The following PARD3B variants were observed in gnomAD, a reference collection of about 807,000 sequenced individuals.
The protein encoded by PARD3B is par-3 family cell polarity regulator beta.
A neutral mutation model predicts 130.2 loss-of-function variants in PARD3B; 103 were observed. The observed-to-expected ratio is 0.79, with a 90% confidence interval of 0.67 to 0.93. The LOEUF (loss-of-function observed/expected upper bound fraction) is 0.93, where lower values mean the gene tolerates loss of function less well. Among genes scored for constraint, PARD3B ranks in the 40% least tolerant of loss-of-function variants. PARD3B has a pLI of 0.00. For missense variants in PARD3B, 1,609 were observed against 1,499.2 expected (o/e 1.07, Z -1.21); for synonymous variants, 583 against 553.2 (o/e 1.05, Z -0.76).
intron 15 of PARD3B, among the ~76,000 whole-genome samples, chr2:205,237,473 A>G (rs553988076): frequency 1.3e-5 from 2 of 152,224 alleles, no homozygotes; most frequent in African/African-American, 4.8e-5. Context: ...TAAAGCTAGT[A>G]TTTCTGTTCT....
intron 2 of PARD3B, among the ~76,000 whole-genome samples, chr2:204,932,517 T>C (rs1458732322): frequency 6.6e-6 from 1 of 152,154 alleles, no homozygotes; most frequent in African/African-American, 2.4e-5. Context: ...GTATCCTTTC[T>C]CCATATGATT....
chr2:205,095,286 A>T (rs1176636346), intron 4 of PARD3B, among the ~76,000 whole-genome samples: 2 of 152,166 alleles, frequency 1.3e-5, no homozygotes, highest in Non-Finnish European at 1.5e-5. Context: ...ATAAATAGAA[A>T]TTATGATTAT....
At chr2:205,092,355 C>G (rs1424284080) in intron 4 of PARD3B, among the ~76,000 whole-genome samples, 1 of 152,054 alleles carries the variant, frequency 6.6e-6, no homozygotes, top group Non-Finnish European at 1.5e-5. Flanking sequence ...AGAAAATGAT[C>G]ATGTCTCACT....
intron 3 of PARD3B, among the ~76,000 whole-genome samples, chr2:204,965,908 A>G (rs1244014366): frequency 1.3e-5 from 2 of 152,218 alleles, no homozygotes; most frequent in African/African-American, 4.8e-5. Flanking sequence ...AAGAGAAATA[A>G]CATGTCTGTT....
At chr2:205,515,699 A>G (rs2050766911) in intron 21 of PARD3B, among the ~76,000 whole-genome samples, 1 of 151,830 alleles carries the variant, frequency 6.6e-6, no homozygotes, top group Admixed American at 6.6e-5. Flanking sequence ...GATATTAAAC[A>G]TTTGTCAGAT....
chr2:205,456,381 C>T (rs991027496), intron 20 of PARD3B, among the ~76,000 whole-genome samples: 1 of 151,986 alleles, frequency 6.6e-6, no homozygotes, highest in Non-Finnish European at 1.5e-5. Context: ...TATCTGTATG[C>T]TTTTTATTTC....
intron 10 of PARD3B, among the ~76,000 whole-genome samples, chr2:205,133,599 A>G (rs567457875): frequency 5.3e-5 from 8 of 152,336 alleles, no homozygotes; most frequent in Admixed American, 3.3e-4. Context: ...GACTAGCTTC[A>G]GTGATCAAAT....
chr2:205,604,914 C>T (rs62171586), intron 22 of PARD3B, among the ~76,000 whole-genome samples: 7,279 of 152,248 alleles, frequency 0.048, 252 homozygotes, highest in Middle Eastern at 0.075. Context: ...CCTTTTCATT[C>T]TGTTTTCTCT....
At chr2:204,750,948 C>G (rs1443335787) in intron 2 of PARD3B, among the ~76,000 whole-genome samples, 1 of 152,088 alleles carries the variant, frequency 6.6e-6, no homozygotes, top group East Asian at 1.9e-4. Flanking sequence ...GATGAACACT[C>G]AGTACATTGA....
rs757070825 is a variant in PARD3B at position 205,265,586 on chromosome 2, A to G, written c.2185+19764A>G. 2.6e-5 allele frequency among the ~76,000 whole-genome samples: 4 copies of G among 151,948 alleles called. No individual in the cohort carries two copies. The highest frequency in any genetic ancestry group is 9.7e-5 in the African/African-American group (4 of 41,388). On this transcript the variant is annotated intron_variant, in intron 16 of 22. Coordinates refer to ENST00000406610, the MANE Select transcript of PARD3B (RefSeq NM_001302769.2). This position sits in a 1 kb window ranked among gnomAD's most constrained non-coding sequence, Gnocchi z 4.3. ...GATATACCGAGACTTCACCGAAGAG[A>G]TGTTCAGTGTAATATAATTATTTTG...
intron 3 of PARD3B, among the ~76,000 whole-genome samples, chr2:204,997,224 T>G (rs896501989): frequency 2.0e-5 from 3 of 152,252 alleles, no homozygotes; most frequent in Non-Finnish European, 4.4e-5. Flanking sequence ...CAGGCTGTTC[T>G]TGGCCCTTTG....
At chr2:205,079,828 T>C (rs1327690093) in intron 4 of PARD3B, among the ~76,000 whole-genome samples, 2 of 152,090 alleles carry the variant, frequency 1.3e-5, no homozygotes, top group Non-Finnish European at 2.9e-5. Context: ...AAGAGTTTAA[T>C]TCTCCATGAA....
chr2:205,164,822 T>TAC (rs71032448), intron 11 of PARD3B, among the ~76,000 whole-genome samples: 17,571 of 147,248 alleles, frequency 0.12, 1,147 homozygotes, highest in South Asian at 0.21. Flanking sequence ...TATATATGTA[T>TAC]ACACACACAC....
At chr2:204,962,776 G>T (rs1690862801) in intron 2 of PARD3B, among the ~76,000 whole-genome samples, 1 of 152,182 alleles carries the variant, frequency 6.6e-6, no homozygotes, top group Non-Finnish European at 1.5e-5. Flanking sequence ...TGTTCAGCAA[G>T]CAACCATGGG....
chr2:205,298,382 A>G (rs908811504), intron 16 of PARD3B, among the ~76,000 whole-genome samples: 3 of 152,130 alleles, frequency 2.0e-5, no homozygotes, highest in Non-Finnish European at 4.4e-5. Context: ...TCTTCAACTT[A>G]TCTTCCTTCC....
chr2:205,039,984 G>A (rs905337864), intron 3 of PARD3B, among the ~76,000 whole-genome samples: 1 of 152,026 alleles, frequency 6.6e-6, no homozygotes, highest in Admixed American at 6.5e-5. Context: ...TTGTTTTTGA[G>A]ACAGAGTCTC....
chr2:205,598,509 T>C (rs532300996), intron 22 of PARD3B, among the ~76,000 whole-genome samples: 73 of 152,098 alleles, frequency 4.8e-4, no homozygotes, highest in Non-Finnish European at 5.7e-4. Flanking sequence ...AGCCACACAA[T>C]AATAGTGGGA....
intron 2 of PARD3B, among the ~76,000 whole-genome samples, chr2:204,925,290 G>T (rs2125761782): frequency 6.6e-6 from 1 of 152,196 alleles, no homozygotes; most frequent in East Asian, 1.9e-4. Context: ...TTCCTATGAT[G>T]ATGGTGGCTA....
At chr2:205,138,773 A>C (rs977516631) in intron 10 of PARD3B, among the ~76,000 whole-genome samples, 34 of 152,200 alleles carry the variant, frequency 2.2e-4, no homozygotes, top group African/African-American at 8.2e-4. Flanking sequence ...TTTGTTCCAT[A>C]CTTCAGAATG....
Sources: allele counts gnomAD v4.1 joint callset (sites outside exome capture counted in the v4.1 genomes callset), GRCh38; gene constraint gnomAD v4.1.1; non-coding constraint Gnocchi (gnomAD v3.1); transcripts MANE v1.5; gene names NCBI Gene and HGNC (gene_info 2026-07-23, HGNC 2026-07-21).